ITFG1: variants seen among roughly 807,000 people sequenced by gnomAD.
The protein encoded by ITFG1 is integrin alpha FG-GAP repeat containing 1.
In ITFG1, 34 loss-of-function variants were observed where a neutral mutation model predicts 81.8. The observed-to-expected ratio is 0.42, with a 90% CI of 0.32 to 0.55. ITFG1 has a LOEUF of 0.55. Among genes scored for constraint, ITFG1 ranks in the 20% least tolerant of loss-of-function variants. The pLI, the probability that ITFG1 is intolerant of heterozygous loss-of-function variation, is 0.17. For synonymous variants in ITFG1, 285 were observed against 270.6 expected (o/e 1.05, Z -0.52); for missense variants, 672 against 755.4 (o/e 0.89, Z 1.29).
intron 6 of ITFG1, among the ~76,000 whole-genome samples, chr16:47,402,716 A>G (rs1332442473): frequency 6.6e-6 from 1 of 152,246 alleles, no homozygotes; most frequent in Non-Finnish European, 1.5e-5. Context: ...TTAAATGACC[A>G]AATTAATCAC....
chr16:47,338,758 T>A (rs984776938), intron 8 of ITFG1, among the ~76,000 whole-genome samples: 2 of 152,024 alleles, frequency 1.3e-5, no homozygotes, highest in African/African-American at 4.8e-5. Flanking sequence ...TGTGTAATAA[T>A]CACATCAGGG....
chr16:47,423,187 T>C (rs913178274), intron 6 of ITFG1, among the ~76,000 whole-genome samples: 1 of 152,212 alleles, frequency 6.6e-6, no homozygotes, highest in African/African-American at 2.4e-5. Context: ...GTGGCCTTCT[T>C]TGTCTCTTTT....
intron 12 of ITFG1, 63 bp downstream of exon 12, chr16:47,258,569 T>A (rs879807143): frequency 1.3e-6 from 1 of 783,758 alleles, no homozygotes; most frequent in East Asian, 2.6e-5. Flanking sequence ...TCCTTGCTCT[T>A]TGGAATATGT....
chr16:47,379,186 T>C (rs898270905), intron 6 of ITFG1, among the ~76,000 whole-genome samples: 2 of 152,134 alleles, frequency 1.3e-5, no homozygotes, highest in African/African-American at 4.8e-5. Flanking sequence ...TACAGGGCCA[T>C]TCCACATTCA....
At chr16:47,459,895 C>T (rs1969504349) in intron 1 of ITFG1, among the ~76,000 whole-genome samples, 1 of 152,148 alleles carries the variant, frequency 6.6e-6, no homozygotes, top group African/African-American at 2.4e-5. Context: ...GTTCCTGCAT[C>T]CCCGCAAGGG....
At chr16:47,384,387 T>C (rs1968433840) in intron 6 of ITFG1, among the ~76,000 whole-genome samples, 1 of 152,242 alleles carries the variant, frequency 6.6e-6, no homozygotes, top group South Asian at 2.1e-4. Context: ...TTACGCTCCA[T>C]CTAGTCTGGA....
At chr16:47,178,984 C>G (rs1233225867) in intron 14 of ITFG1, among the ~76,000 whole-genome samples, 2 of 152,198 alleles carry the variant, frequency 1.3e-5, no homozygotes, top group African/African-American at 4.8e-5. Flanking sequence ...AAATGCTCAT[C>G]ATCACTGGCC....
intron 6 of ITFG1, among the ~76,000 whole-genome samples, chr16:47,424,074 G>T (rs555059204): frequency 6.6e-6 from 1 of 151,946 alleles, no homozygotes; most frequent in African/African-American, 2.4e-5. Flanking sequence ...CCAATCAAAC[G>T]TAGGTTTGGT....
intron 6 of ITFG1, among the ~76,000 whole-genome samples, chr16:47,383,372 T>A (rs1968419161): frequency 6.6e-6 from 1 of 152,216 alleles, no homozygotes; most frequent in Non-Finnish European, 1.5e-5. Context: ...CTTAGGGCAA[T>A]GAAATCAGTC....
At chr16:47,368,238 A>G (rs77903532) in intron 7 of ITFG1, among the ~76,000 whole-genome samples, 2 of 99,092 alleles carry the variant, frequency 2.0e-5, no homozygotes, top group South Asian at 2.8e-4. Context: ...CGTCTCAATT[A>G]AAAAAAAAAA....
intron 8 of ITFG1, among the ~76,000 whole-genome samples, chr16:47,344,591 T>C (rs1003095740): frequency 6.6e-6 from 1 of 152,242 alleles, no homozygotes; most frequent in Non-Finnish European, 1.5e-5. Flanking sequence ...GGTTACTATG[T>C]GTCATCCACC....
chr16:47,209,210 T>C (rs924931461), intron 14 of ITFG1, among the ~76,000 whole-genome samples: 3 of 152,324 alleles, frequency 2.0e-5, no homozygotes, highest in Non-Finnish European at 4.4e-5. Context: ...CCAAACTATA[T>C]TTACTAAAAT....
At chr16:47,447,366 AATT>A (rs1162295626) in intron 5 of ITFG1, among the ~76,000 whole-genome samples, 1 of 152,204 alleles carries the variant, frequency 6.6e-6, no homozygotes, top group Non-Finnish European at 1.5e-5. Context: ...TACATCTAAA[AATT>A]ATTAAGATTT....
At chr16:47,304,858 C>T (rs992910447) in intron 10 of ITFG1, among the ~76,000 whole-genome samples, 5 of 152,082 alleles carry the variant, frequency 3.3e-5, no homozygotes, top group Non-Finnish European at 5.9e-5. Context: ...AACTTTGTGG[C>T]CACTATTCTT....
At chr16:47,177,004 G>A (rs1236242092) in intron 14 of ITFG1, among the ~76,000 whole-genome samples, 2 of 150,574 alleles carry the variant, frequency 1.3e-5, no homozygotes, top group Admixed American at 6.6e-5. Context: ...TGTGACCCAG[G>A]CTGGAGTGCC....
intron 8 of ITFG1, among the ~76,000 whole-genome samples, chr16:47,354,399 A>C (rs969745039): frequency 2.0e-5 from 3 of 152,106 alleles, no homozygotes; most frequent in African/African-American, 7.2e-5. Flanking sequence ...TAAAAAAATC[A>C]ATTCAAAATA....
intron 8 of ITFG1, among the ~76,000 whole-genome samples, chr16:47,342,823 A>G (rs1967802260): frequency 6.6e-6 from 1 of 152,180 alleles, no homozygotes; most frequent in Admixed American, 6.5e-5. Flanking sequence ...CTTGTAAACT[A>G]TATAACATTC....
intron 6 of ITFG1, among the ~76,000 whole-genome samples, chr16:47,405,637 G>A (rs1968718729): frequency 6.6e-6 from 1 of 152,188 alleles, no homozygotes; most frequent in Admixed American, 6.5e-5. Context: ...TACAATATGT[G>A]TACTGGGGTT....
At chr16:47,280,311 G>T (rs1966438435) in intron 10 of ITFG1, among the ~76,000 whole-genome samples, 1 of 151,960 alleles carries the variant, frequency 6.6e-6, no homozygotes, top group South Asian at 2.1e-4. Context: ...TTTCTGAGAG[G>T]TTTTATCATG....
Sources: gnomAD v4.1 joint callset for allele counts (sites outside exome capture counted in the v4.1 genomes callset) on GRCh38, gnomAD v4.1.1 for gene constraint, MANE v1.5 for transcripts, NCBI Gene and HGNC (gene_info 2026-07-23, HGNC 2026-07-21) for gene names.